Variants in PHGDH observed in about 807,000 individuals in gnomAD.
PHGDH encodes D-3-phosphoglycerate dehydrogenase.
PHGDH carries 50 observed loss-of-function variants against 52.6 expected under a neutral mutation model. The ratio of observed to expected loss-of-function variants is 0.95; its 90% confidence interval spans 0.76 to 1.20. The LOEUF (loss-of-function observed/expected upper bound fraction) is 1.20, where lower values mean the gene tolerates loss of function less well. Among genes scored for constraint, PHGDH ranks in the 50% most tolerant of loss-of-function variants. The pLI is 0.00. For synonymous variants in PHGDH, 271 were observed against 280.5 expected, an observed-to-expected ratio of 0.97 and a Z score of 0.34; for missense variants, 630 against 684.6, an observed-to-expected ratio of 0.92 and a Z score of 0.89.
rs1255579836 is a variant in PHGDH, at chr1:119,727,053, G to T, written c.461G>T (p.Gly154Val). 1 of 1,613,594 alleles carries T rather than the reference G, an allele frequency of 6.2e-7. No individual in the cohort carries two copies. Among genetic ancestry groups the T allele is most frequent in the African/African-American group, 1.3e-5 (1 of 74,926 alleles). ...NGKTLGILGL[G>V]RIGREVATRM... ...AAGACCCTGGGAATTCTTGGCCTGGGCAGGATTGGGAGAGAGGTAGCTACC... is the reference window on the plus strand; with the variant it reads ...AAGACCCTGGGAATTCTTGGCCTGGTCAGGATTGGGAGAGAGGTAGCTACC... Residue 154 changes from glycine to valine, a missense_variant, in exon 5 of 12, where the codon GGC becomes GTC. By Grantham distance (109) the Gly-to-Val change is moderately radical. Transcript: ENST00000641023.
intron 5 of PHGDH, among the ~76,000 whole-genome samples, chr1:119,728,492 G>A (rs1186808680): frequency 6.6e-6 from 1 of 152,118 alleles, no homozygotes; most frequent in Admixed American, 6.5e-5. Context: ...ACCTCACACC[G>A]GTCTCAGAAA....
At chr1:119,741,428 G>T (rs1199060238) in intron 9 of PHGDH, among the ~76,000 whole-genome samples, 4 of 152,216 alleles carry the variant, frequency 2.6e-5, no homozygotes, top group Non-Finnish European at 5.9e-5. Context: ...GCCAGGAAGG[G>T]GTAAGAGTAG....
intron 9 of PHGDH, 148 bp downstream of exon 9, chr1:119,740,666 A>G (rs1652158218): frequency 1.5e-6 from 1 of 648,078 alleles, no homozygotes; most frequent in South Asian, 2.1e-5. Context: ...CTCCCTTACT[A>G]CTGGTGGGAG....
At chr1:119,734,159 TCTC>T in intron 5 of PHGDH, 1 of 287,114 alleles carries the variant, frequency 3.5e-6, no homozygotes, top group Non-Finnish European at 6.7e-6. Context: ...AGCTGCCATT[TCTC>T]CTTCTCCCTT....
At chr1:119,712,899 T>TCC (rs1041708011) in intron 1 of PHGDH, among the ~76,000 whole-genome samples, 8 of 152,196 alleles carry the variant, frequency 5.3e-5, no homozygotes, top group African/African-American at 1.9e-4. Flanking sequence ...TTTAGCCTCC[T>TCC]CCCCACCTTT....
chr1:119,743,010 G>T lies in PHGDH; in HGVS notation c.1413G>T (p.Gln471His), dbSNP rs921861637. 5 of 1,613,426 alleles carry T rather than the reference G, an allele frequency of 3.1e-6. No individual in the cohort carries two copies. The African/African-American group carries it at 6.7e-5, about 22-fold the overall frequency. The change falls in exon 11 of 12, where the codon CAG becomes CAT. Residue 471 changes from glutamine to histidine, a missense_variant. Physicochemically the swap from Gln to His is conservative, Grantham distance 24 (BLOSUM62 0). Transcript: ENST00000641023. ...TGCCCCTGCTCCTATTCCGGACTCAGACCTCTGACCCTGCAATGCTGCCTA... is the reference window on the plus strand; with the variant it reads ...TGCCCCTGCTCCTATTCCGGACTCATACCTCTGACCCTGCAATGCTGCCTA... ...RDLPLLLFRT[Q>H]TSDPAMLPTM...
chr1:119,723,160 G>T (rs1022012826), intron 2 of PHGDH, among the ~76,000 whole-genome samples: 11 of 152,190 alleles, frequency 7.2e-5, no homozygotes, highest in African/African-American at 2.7e-4. Flanking sequence ...CTCTAATGGA[G>T]GTCCCTCTGC....
intron 3 of PHGDH, among the ~76,000 whole-genome samples, chr1:119,723,720 T>A (rs1364314948): frequency 2.6e-5 from 4 of 151,664 alleles, no homozygotes; most frequent in African/African-American, 9.7e-5. Flanking sequence ...CTCCAACTCT[T>A]GCAAATGTTC....
In PHGDH at chr1:119,722,846, A is replaced by C. The variant is rs151247181; in HGVS notation, c.291-530A>C. On this transcript the variant is annotated intron_variant, in intron 2 of 11. Coordinates refer to ENST00000641023, the MANE Select transcript of PHGDH (RefSeq NM_006623.4). ...ACCCTGGGAAGTCAAGGCTGCAGTG[A>C]GCTGTGATCATGCCAGTACACTCCA... 5.0e-3 allele frequency among the ~76,000 whole-genome samples: 742 copies of C among 148,414 alleles called. 5 individuals carry two copies. The highest frequency in any genetic ancestry group is 0.018 in the African/African-American group (707 of 40,168).
chr1:119,712,537 A>C, intron 1 of PHGDH: 1 of 302,730 alleles, frequency 3.3e-6, no homozygotes, highest in Non-Finnish European at 6.5e-6. Flanking sequence ...CTCTCCCCCA[A>C]CCCCCAACCG....
At chr1:119,728,523 C>A (rs1316030283) in intron 5 of PHGDH, among the ~76,000 whole-genome samples, 1 of 152,174 alleles carries the variant, frequency 6.6e-6, no homozygotes, top group Non-Finnish European at 1.5e-5. Flanking sequence ...CTCCTGTCTT[C>A]CCCCAGGTCT....
At chr1:119,712,407 G>C (rs1251518430) in intron 1 of PHGDH, 1 of 486,448 alleles carries the variant, frequency 2.1e-6, no homozygotes, top group Non-Finnish European at 3.8e-6. Flanking sequence ...GCCTCCGCTA[G>C]CATTGCAAAG....
At chr1:119,738,271 A>G (rs1055125781) in intron 8 of PHGDH, among the ~76,000 whole-genome samples, 2 of 152,170 alleles carry the variant, frequency 1.3e-5, no homozygotes, top group African/African-American at 2.4e-5. Flanking sequence ...GCACTGTGGC[A>G]GGAGAGACGG....
rs751163392 is a variant in PHGDH at position 119,733,323 on chromosome 1, C to T, written c.511-1311C>T. Among the ~76,000 whole-genome samples, 19 of 151,626 alleles carry T rather than the reference C, an allele frequency of 1.3e-4. 1 individual carries two copies. The South Asian group carries it at 2.1e-3, about 17-fold the overall frequency. On this transcript the variant is annotated intron_variant, in intron 5 of 11. Coordinates refer to ENST00000641023, the MANE Select transcript of PHGDH (RefSeq NM_006623.4). ...GAATTTGAAGTCCTCTTTCCTATTA[C>T]GTTCTTTTTTATTTTGTTTTATTTT...
At chr1:119,726,764 A>G (rs1651439742) in intron 3 of PHGDH, 87 bp from the exon 4 acceptor site, 1 of 1,030,794 alleles carries the variant, frequency 9.7e-7, no homozygotes, top group African/African-American at 1.6e-5. Context: ...TGTCATGGGC[A>G]GTGACTGTGC....
intron 3 of PHGDH, chr1:119,724,548 C>A: frequency 2.8e-6 from 1 of 362,266 alleles, no homozygotes; most frequent in Admixed American, 3.8e-5. Flanking sequence ...CTAGAAGGGG[C>A]CCCCAGGCTG....
At chr1:119,725,916 C>T (rs587640567) in intron 3 of PHGDH, among the ~76,000 whole-genome samples, 10 of 152,214 alleles carry the variant, frequency 6.6e-5, no homozygotes, top group South Asian at 4.2e-4. Flanking sequence ...TGCCTCCCTC[C>T]GTGCAGCTGT....
intron 3 of PHGDH, among the ~76,000 whole-genome samples, chr1:119,723,886 A>G (rs1651281626): frequency 6.6e-6 from 1 of 151,964 alleles, no homozygotes; most frequent in Non-Finnish European, 1.5e-5. Flanking sequence ...TATGTCCCTC[A>G]CTGATTCCCC....
At chr1:119,725,403 G>A (rs1301263495) in intron 3 of PHGDH, among the ~76,000 whole-genome samples, 2 of 152,168 alleles carry the variant, frequency 1.3e-5, no homozygotes, top group Non-Finnish European at 2.9e-5. Context: ...TGAGGGAGAG[G>A]AGAGAGGGGC....
Sources: allele counts gnomAD v4.1 joint callset (sites outside exome capture counted in the v4.1 genomes callset), GRCh38; gene constraint gnomAD v4.1.1; transcripts MANE v1.5; gene names NCBI Gene and HGNC (gene_info 2026-07-23, HGNC 2026-07-21).